The following GLO1 variants were observed in gnomAD, a reference collection of about 807,000 sequenced individuals.
GLO1 encodes glyoxalase I.
Under a neutral mutation model 26.0 loss-of-function variants are expected in GLO1, and 28 were observed. The ratio of observed to expected loss-of-function variants is 1.08; its 90% confidence interval spans 0.80 to 1.48. The LOEUF (loss-of-function observed/expected upper bound fraction) is 1.48, where lower values mean the gene tolerates loss of function less well. Ranked by LOEUF, GLO1 falls within the 40% of genes most tolerant of loss-of-function variation. GLO1 has a pLI of 0.00. For missense variants in GLO1, 225 were observed against 224.8 expected (o/e 1.00, Z -0.01); for synonymous variants, 78 against 77.6 (o/e 1.00, Z -0.03).
chr6:38,693,100 G>T (rs889099518), intron 1 of GLO1, among the ~76,000 whole-genome samples: 1 of 152,032 alleles, frequency 6.6e-6, no homozygotes, highest in African/African-American at 2.4e-5. Context: ...GTGTATAATT[G>T]ATGTTAATTC....
chr6:38,700,195 A>T (rs1761677335), intron 1 of GLO1, among the ~76,000 whole-genome samples: 1 of 152,156 alleles, frequency 6.6e-6, no homozygotes, highest in South Asian at 2.1e-4. Context: ...ACGTTGAAAT[A>T]TTGGGGTGGG....
chr6:38,697,710 G>C (rs558255314), intron 1 of GLO1, among the ~76,000 whole-genome samples: 1 of 152,278 alleles, frequency 6.6e-6, no homozygotes, highest in Non-Finnish European at 1.5e-5. Context: ...AAGGGGAAAG[G>C]GTTTGTTAAC....
chr6:38,701,366 CT>C (rs2127549493), intron 1 of GLO1, among the ~76,000 whole-genome samples: 1 of 151,758 alleles, frequency 6.6e-6, no homozygotes, highest in East Asian at 1.9e-4. Flanking sequence ...CATTTTATGT[CT>C]CCCATGGCCA....
chr6:38,683,370 T>G (rs1426061120), intron 3 of GLO1, among the ~76,000 whole-genome samples: 2 of 152,224 alleles, frequency 1.3e-5, no homozygotes, highest in Non-Finnish European at 2.9e-5. Context: ...CATTTTTAAG[T>G]GCTCAAGTTA....
intron 1 of GLO1, among the ~76,000 whole-genome samples, chr6:38,693,207 T>TAAACA (rs1761555856): frequency 6.6e-6 from 1 of 152,216 alleles, no homozygotes; most frequent in Non-Finnish European, 1.5e-5. Flanking sequence ...TGCCTTAAGT[T>TAAACA]ATAGGACTCA....
intron 5 of GLO1, among the ~76,000 whole-genome samples, chr6:38,679,324 G>T (rs1436649171): frequency 3.3e-5 from 5 of 151,728 alleles, no homozygotes; most frequent in Admixed American, 3.3e-4. Context: ...TAGAAACAAG[G>T]TCTTCCTATG....
chr6:38,700,094 T>C (rs2127549270), intron 1 of GLO1, among the ~76,000 whole-genome samples: 1 of 152,356 alleles, frequency 6.6e-6, no homozygotes, highest in East Asian at 1.9e-4. Flanking sequence ...TGATATGTGA[T>C]GTCACCCCCC....
intron 1 of GLO1, among the ~76,000 whole-genome samples, chr6:38,687,938 G>T (rs1366935457): frequency 6.6e-6 from 1 of 151,500 alleles, no homozygotes; most frequent in Non-Finnish European, 1.5e-5. Context: ...GACAAAACAG[G>T]CCTGAAAATT....
At chr6:38,690,552 T>C (rs984816400) in intron 1 of GLO1, among the ~76,000 whole-genome samples, 2 of 144,930 alleles carry the variant, frequency 1.4e-5, no homozygotes, top group African/African-American at 4.9e-5. Context: ...TATATATATA[T>C]ACACACACAC....
At chr6:38,697,315 A>G in intron 1 of GLO1, among the ~76,000 whole-genome samples, 1 of 152,232 alleles carries the variant, frequency 6.6e-6, no homozygotes, top group East Asian at 1.9e-4. Flanking sequence ...ATCTGTTAGG[A>G]AAACACAGAT....
chr6:38,684,559 G>A, intron 2 of GLO1, 45 bp from the exon 3 acceptor site: 1 of 1,298,534 alleles, frequency 7.7e-7, no homozygotes, highest in Non-Finnish European at 1.0e-6. Flanking sequence ...CAACAGGAAA[G>A]GCTAATTCAT....
At position 38,682,026 on chromosome 6, in the gene GLO1, T is replaced by C. The variant is rs1402132131; in HGVS notation, c.452A>G (p.Lys151Arg). 6.5e-7 allele frequency: 1 copy of C among 1,544,402 alleles called. No individual in the cohort carries two copies. The highest frequency in any genetic ancestry group is 9.0e-7 in the Non-Finnish European group (1 of 1,116,310). ...RFEELGVKFV[K>R]KPDDGKMKGL... is the part of the protein sequence containing the mutation. The stretch of plus-strand genomic sequence containing the variant: ...AGTAGACTCACCATCATCAGGTTTC[T>C]TCACAAATTTGACTCCCAGTTCTTC... Residue 151 changes from lysine (K) to arginine (R), a missense_variant, in exon 5 of 6, where the codon AAG becomes AGG. Physicochemically the swap from Lys to Arg is conservative, Grantham distance 26. Coordinates refer to ENST00000373365, the MANE Select transcript of GLO1 (RefSeq NM_006708.3).
chr6:38,703,128 G>A lies in GLO1; in HGVS notation c.-74C>T, dbSNP rs1489920195. The A allele has an allele frequency of 1.6e-5, 14 of 889,732 alleles. No individual in the cohort carries two copies. The highest frequency in any genetic ancestry group is 3.0e-5 in the South Asian group (2 of 67,106). 55.1% of individuals were successfully genotyped at this position (889,732 alleles called of 1,614,324 possible). A position where few individuals can be genotyped will look rare whatever the true frequency, so the allele number is the denominator to read the frequency against. On this transcript the variant is annotated 5_prime_UTR_variant, in exon 1 of 6. Transcript: ENST00000373365. The stretch of plus-strand genomic sequence containing the variant: ...CACCCACACTACGCCTCGGCCCTGT[G>A]CCGCCTTAACTAGGAATGGCGCGAT...
chr6:38,702,087 C>A (rs573325448), intron 1 of GLO1, among the ~76,000 whole-genome samples: 4 of 152,088 alleles, frequency 2.6e-5, no homozygotes, highest in Admixed American at 1.3e-4. Flanking sequence ...CCCGCCACCA[C>A]GCCCAGCTCA....
intron 1 of GLO1, among the ~76,000 whole-genome samples, chr6:38,697,796 G>A (rs952419396): frequency 1.3e-5 from 2 of 152,164 alleles, no homozygotes; most frequent in Non-Finnish European, 2.9e-5. Flanking sequence ...TTAAAAATGA[G>A]CTTTTCAACT....
At chr6:38,684,262 T>G (rs1230222917) in intron 3 of GLO1, 112 bp downstream of exon 3, 7 of 405,152 alleles carry the variant, frequency 1.7e-5, no homozygotes, top group Non-Finnish European at 2.9e-5. Context: ...AAATGTGAAG[T>G]CATAGGCAGA....
chr6:38,685,679 T>A (rs1186467418), intron 2 of GLO1, among the ~76,000 whole-genome samples: 1 of 152,182 alleles, frequency 6.6e-6, no homozygotes, highest in African/African-American at 2.4e-5. Flanking sequence ...AATACTCCAA[T>A]CATGAAAAAC....
At chr6:38,699,692 G>A (rs1467477994) in intron 1 of GLO1, among the ~76,000 whole-genome samples, 3 of 152,126 alleles carry the variant, frequency 2.0e-5, no homozygotes, top group East Asian at 1.9e-4. Flanking sequence ...ACTGAGATAC[G>A]CCCTCGTCTC....
chr6:38,690,950 A>C (rs888291070), intron 1 of GLO1, among the ~76,000 whole-genome samples: 1 of 152,196 alleles, frequency 6.6e-6, no homozygotes, highest in Non-Finnish European at 1.5e-5. Context: ...CTTGAGAAAA[A>C]GTTCCTGTTT....
Sources: allele counts gnomAD v4.1 joint callset (sites outside exome capture counted in the v4.1 genomes callset), GRCh38; gene constraint gnomAD v4.1.1; transcripts MANE v1.5; gene names NCBI Gene and HGNC (gene_info 2026-07-23, HGNC 2026-07-21).